Variants in CDH6 observed in about 807,000 individuals in gnomAD.
CDH6 encodes cadherin 6, also known as cadherin-6.
Under a neutral mutation model 78.0 loss-of-function variants are expected in CDH6, and 31 were observed. The observed-to-expected ratio is 0.40, with a 90% CI of 0.30 to 0.54. The LOEUF (loss-of-function observed/expected upper bound fraction) is 0.54. Ranked by LOEUF, CDH6 falls within the 20% of genes least tolerant of loss-of-function variation. The pLI is 0.56. For missense variants in CDH6, 724 were observed against 975.9 expected (o/e 0.74, Z 3.44); for synonymous variants, 376 against 368.8 (o/e 1.02, Z -0.23).
intron 2 of CDH6, among the ~76,000 whole-genome samples, chr5:31,285,975 G>A (rs2149943003): frequency 6.6e-6 from 1 of 152,250 alleles, no homozygotes; most frequent in Middle Eastern, 3.4e-3. Context: ...GGCAATTTCA[G>A]GAACGTATAT....
At chr5:31,266,845 C>A (rs1452278602) in intron 1 of CDH6, among the ~76,000 whole-genome samples, 1 of 152,216 alleles carries the variant, frequency 6.6e-6, no homozygotes, top group East Asian at 1.9e-4. Context: ...AGCCAAGAGT[C>A]TGCAGAGCTG....
intron 1 of CDH6, among the ~76,000 whole-genome samples, chr5:31,227,354 C>T (rs1045493983): frequency 1.3e-5 from 2 of 152,154 alleles, no homozygotes; most frequent in African/African-American, 2.4e-5. Context: ...ATTATGTACC[C>T]TTTCAACTGA....
At chr5:31,293,334 A>C (rs1390021581) in intron 2 of CDH6, among the ~76,000 whole-genome samples, 1 of 152,018 alleles carries the variant, frequency 6.6e-6, no homozygotes, top group Non-Finnish European at 1.5e-5. Context: ...GGCAGCACTT[A>C]GGATATTTCT....
Position 31,323,799 on chromosome 5 carries a change from A to T in CDH6, c.*491A>T. On this transcript the variant is annotated 3_prime_UTR_variant, in exon 12 of 12. Transcript: ENST00000265071. ...TTATTTGTGTCACAAAGAATTTAAA[A>T]TAACACTTGCCCATGCTATTTGTTC... is the stretch of plus-strand genomic sequence containing the variant. 1.3e-5 allele frequency: 3 copies of T among 231,694 alleles called. No homozygotes were observed. The highest frequency in any genetic ancestry group is 2.6e-5 in the Non-Finnish European group (3 of 117,112). 14.4% of individuals were successfully genotyped at this position (231,694 alleles called of 1,614,324 possible).
chr5:31,322,178 C>A (rs1048000528), intron 11 of CDH6, among the ~76,000 whole-genome samples: 1 of 152,154 alleles, frequency 6.6e-6, no homozygotes, highest in African/African-American at 2.4e-5. Flanking sequence ...TTACCTGCCC[C>A]CTTCAAATTA....
At chr5:31,304,032 T>C (rs1035073745) in intron 6 of CDH6, among the ~76,000 whole-genome samples, 12 of 152,180 alleles carry the variant, frequency 7.9e-5, no homozygotes, top group African/African-American at 2.4e-4. Context: ...AATAAGCATT[T>C]GGGTTCACCA....
intron 1 of CDH6, among the ~76,000 whole-genome samples, chr5:31,238,817 C>G (rs558776946): frequency 6.6e-6 from 1 of 152,324 alleles, no homozygotes; most frequent in South Asian, 2.1e-4. Flanking sequence ...TTTGCCTCTT[C>G]TCTATACTGT....
chr5:31,256,639 T>C (rs1742062587), intron 1 of CDH6, among the ~76,000 whole-genome samples: 1 of 152,232 alleles, frequency 6.6e-6, no homozygotes, highest in South Asian at 2.1e-4. Context: ...CTGTATTTCT[T>C]AATCTTTGGA....
rs185851196 is a variant in CDH6, at chr5:31,267,202, G to A, written c.-128-144G>A. Reference sequence around the variant, plus strand: ...TTCCATTTAGCATGTCTGGAAGACCGTCTCCTTCGTTTCAAAATTGATAGC... The same window carrying A: ...TTCCATTTAGCATGTCTGGAAGACCATCTCCTTCGTTTCAAAATTGATAGC... On this transcript the variant is annotated intron_variant, in intron 1 of 11. Coordinates refer to ENST00000265071, the MANE Select transcript of CDH6 (RefSeq NM_004932.4). The A allele has an allele frequency of 2.9e-5, 13 of 442,128 alleles. No individual in the cohort carries two copies. The South Asian group carries it at 3.5e-4, about 12-fold the overall frequency. 27.4% of individuals were successfully genotyped at this position (442,128 alleles called of 1,614,324 possible).
At chr5:31,302,717 A>C (rs1188249238) in intron 6 of CDH6, among the ~76,000 whole-genome samples, 1 of 149,060 alleles carries the variant, frequency 6.7e-6, no homozygotes, top group East Asian at 1.9e-4. Context: ...TGAAAAAAAA[A>C]AAAAAAGAAG....
intron 1 of CDH6, among the ~76,000 whole-genome samples, chr5:31,238,930 T>C (rs1350683407): frequency 2.6e-5 from 4 of 152,232 alleles, no homozygotes; most frequent in Non-Finnish European, 5.9e-5. Context: ...CTTCTCTATA[T>C]ATGTTTAGGA....
intron 6 of CDH6, among the ~76,000 whole-genome samples, chr5:31,302,868 A>C (rs1737836576): frequency 6.7e-6 from 1 of 148,176 alleles, no homozygotes; most frequent in African/African-American, 2.5e-5. Context: ...GAAAGGAAGA[A>C]AGGAGGGAAG....
In CDH6 at chr5:31,273,137, A is replaced by G. The variant is rs185307355; in HGVS notation, c.228+5436A>G. Among the ~76,000 whole-genome samples, 138 of 152,358 alleles carry G rather than the reference A, an allele frequency of 9.1e-4. 1 individual carries two copies. The highest frequency in any genetic ancestry group is 3.3e-3 in the African/African-American group (137 of 41,586). Reference sequence around the variant, plus strand: ...TGAGCAATTATTTGTTACTATAATTACATGATCCAAATTAGTAAACATGAA... The same window carrying G: ...TGAGCAATTATTTGTTACTATAATTGCATGATCCAAATTAGTAAACATGAA... On this transcript the variant is annotated intron_variant, in intron 2 of 11. Coordinates refer to ENST00000265071, the MANE Select transcript of CDH6 (RefSeq NM_004932.4).
At chr5:31,310,872 C>A (rs1480973357) in intron 7 of CDH6, among the ~76,000 whole-genome samples, 1 of 152,206 alleles carries the variant, frequency 6.6e-6, no homozygotes, top group East Asian at 1.9e-4. Flanking sequence ...GCAGCTAGGC[C>A]CTAGGCCTTG....
At position 31,327,703 on chromosome 5, in the gene CDH6, A is replaced by C; in HGVS notation, c.*4395A>C. 2 of 204,588 alleles carry C rather than the reference A, an allele frequency of 9.8e-6. No individual in the cohort carries two copies. The highest frequency in any genetic ancestry group is 2.0e-5 in the Non-Finnish European group (2 of 100,018). 12.7% of individuals were successfully genotyped at this position (204,588 alleles called of 1,614,324 possible). ...ATTATGGTCTCCTTAAATGTTTAGT[A>C]GCTCTTATGGTCACAGCATTTTTAA... On this transcript the variant is annotated 3_prime_UTR_variant, in exon 12 of 12. Coordinates refer to ENST00000265071, the MANE Select transcript of CDH6 (RefSeq NM_004932.4).
chr5:31,208,122 T>C (rs530548589), intron 1 of CDH6, among the ~76,000 whole-genome samples: 13 of 152,296 alleles, frequency 8.5e-5, no homozygotes, highest in African/African-American at 2.6e-4. Context: ...CAGTTTAGCA[T>C]TTTCTTTGAC....
At chr5:31,284,141 A>G in intron 2 of CDH6, among the ~76,000 whole-genome samples, 1 of 152,176 alleles carries the variant, frequency 6.6e-6, no homozygotes, top group Non-Finnish European at 1.5e-5. Context: ...TTTCAAGCCC[A>G]TTTTGTAGAT....
In CDH6 at chr5:31,294,279, CA is replaced by C; in HGVS notation, c.523+27del. On this transcript the variant is annotated intron_variant, in intron 3 of 11. Coordinates refer to ENST00000265071, the MANE Select transcript of CDH6 (RefSeq NM_004932.4). The surrounding 1 kb of genome is among the most constrained non-coding windows in gnomAD (Gnocchi z 4.1). ...TCGGTGAGTGAGACGTGACTTCAGC[CA>C]AAAGCTGGCTTTCCCCTAGTGCATC... 2 of 1,593,068 alleles carry C rather than the reference CA, an allele frequency of 1.3e-6. No homozygotes were observed. Among genetic ancestry groups the C allele is most frequent in the Non-Finnish European group, 1.7e-6 (2 of 1,169,130 alleles).
intron 2 of CDH6, among the ~76,000 whole-genome samples, chr5:31,275,092 A>G (rs1561053547): frequency 6.6e-6 from 1 of 152,118 alleles, no homozygotes. Context: ...AGAGTTCTTC[A>G]TTTTTTTGTC....
Sources: gnomAD v4.1 joint callset for allele counts (sites outside exome capture counted in the v4.1 genomes callset) on GRCh38, gnomAD v4.1.1 for gene constraint, Gnocchi (gnomAD v3.1) non-coding constraint, MANE v1.5 for transcripts, NCBI Gene and HGNC (gene_info 2026-07-23, HGNC 2026-07-21) for gene names.